Variants in RAPGEF2 observed in about 807,000 individuals in gnomAD.
RAPGEF2 encodes the protein Rap guanine nucleotide exchange factor 2.
RAPGEF2 carries 54 observed loss-of-function variants against 186.7 expected under a neutral mutation model. That is an observed-to-expected ratio of 0.29 (90% confidence interval 0.23 to 0.36). RAPGEF2 has a LOEUF of 0.36. Ranked by LOEUF, RAPGEF2 falls within the 10% of genes least tolerant of loss-of-function variation. The probability of loss-of-function intolerance (pLI) is 1.00; values close to 1 mark genes in which losing one functional copy is unlikely to be tolerated. For synonymous variants in RAPGEF2, 712 were observed against 705.9 expected (o/e 1.01, Z -0.14); for missense variants, 1,532 against 2,045.0 (o/e 0.75, Z 4.84).
At chr4:159,170,842 A>G (rs534580877) in intron 1 of RAPGEF2, among the ~76,000 whole-genome samples, 3 of 138,894 alleles carry the variant, frequency 2.2e-5, no homozygotes, top group Non-Finnish European at 4.9e-5. Flanking sequence ...TCCAGGTCTT[A>G]CGTTTAAGTC....
intron 17 of RAPGEF2, among the ~76,000 whole-genome samples, chr4:159,333,246 G>C (rs1017724120): frequency 6.6e-6 from 1 of 152,134 alleles, no homozygotes; most frequent in Non-Finnish European, 1.5e-5. Flanking sequence ...CCAAAGTGCT[G>C]GGATTGCAGG....
chr4:159,309,404 C>G (rs1763692977), intron 8 of RAPGEF2, among the ~76,000 whole-genome samples: 1 of 152,114 alleles, frequency 6.6e-6, no homozygotes, highest in Non-Finnish European at 1.5e-5. Context: ...TCTCTTGTCT[C>G]TATTTTTTCC....
rs67252346 is a variant in RAPGEF2 at position 159,140,837 on chromosome 4, A to T, written c.69+36606A>T. Among the ~76,000 whole-genome samples, 570 of 62,384 alleles carry T rather than the reference A, an allele frequency of 9.1e-3. 2 individuals are homozygous for T. Among genetic ancestry groups the T allele is most frequent in the Middle Eastern group, 0.074 (10 of 136 alleles). The allele number at this position is 62,384 out of a possible 152,430, so 40.9% of individuals were successfully genotyped here. A position where few individuals can be genotyped will look rare whatever the true frequency, so the allele number is the denominator to read the frequency against. ...AATTTTTTTCTGGAAAAAAAAAAAAATTTTTTTTTTTTGAGACGGAGTCTC... is the reference window on the plus strand; with the variant it reads ...AATTTTTTTCTGGAAAAAAAAAAAATTTTTTTTTTTTTGAGACGGAGTCTC... On this transcript the variant is annotated intron_variant, in intron 1 of 29. Transcript: ENST00000691494.
intron 7 of RAPGEF2, among the ~76,000 whole-genome samples, chr4:159,289,728 G>C (rs1394881519): frequency 6.6e-6 from 1 of 152,160 alleles, no homozygotes; most frequent in African/African-American, 2.4e-5. Flanking sequence ...TCTGTGACAG[G>C]CAGCATTCTG....
chr4:159,301,014 C>T (rs954246097), intron 7 of RAPGEF2, among the ~76,000 whole-genome samples: 3 of 152,152 alleles, frequency 2.0e-5, no homozygotes, highest in African/African-American at 7.2e-5. Context: ...AGTTTCTTTC[C>T]TTATGGGAAC....
intron 4 of RAPGEF2, among the ~76,000 whole-genome samples, chr4:159,210,959 C>T (rs528788531): frequency 1.3e-5 from 2 of 152,260 alleles, no homozygotes; most frequent in South Asian, 2.1e-4. Flanking sequence ...AAAGAAAGTT[C>T]ATTAAGACCA....
Position 159,353,819 on chromosome 4 carries a change from G to A in RAPGEF2, c.4424G>A (p.Arg1475Lys). 1 of 1,614,176 alleles carries A rather than the reference G, an allele frequency of 6.2e-7. No individual in the cohort carries two copies. The highest frequency in any genetic ancestry group is 1.1e-5 in the South Asian group (1 of 91,080). ...AAGTATAACAGGCAAAATCAAAGTA[G>A]AGAGAGCCTTGAACAAGCCCAGTCC... ...STKYNRQNQS[R>K]ESLEQAQSRA... The change falls in exon 28 of 30, where the codon AGA (arginine) becomes AAA (lysine). Residue 1475 changes from arginine to lysine, a missense_variant. Arg to Lys is a conservative substitution (Grantham distance 26). Coordinates refer to ENST00000691494, the MANE Select transcript of RAPGEF2 (RefSeq NM_001394067.2). This position sits in a 1 kb window ranked among gnomAD's most constrained non-coding sequence, Gnocchi z 4.3.
At chr4:159,155,980 A>G (rs1167384762) in intron 1 of RAPGEF2, among the ~76,000 whole-genome samples, 1 of 152,220 alleles carries the variant, frequency 6.6e-6, no homozygotes, top group Non-Finnish European at 1.5e-5. Flanking sequence ...AGATTTTTCT[A>G]GATATATGAG....
chr4:159,165,522 T>A (rs1280641981), intron 1 of RAPGEF2, among the ~76,000 whole-genome samples: 1 of 152,250 alleles, frequency 6.6e-6, no homozygotes, highest in Non-Finnish European at 1.5e-5. Context: ...GAAGTCAGGT[T>A]ATCATTAGTG....
At chr4:159,227,154 A>AT (rs768227402) in intron 4 of RAPGEF2, among the ~76,000 whole-genome samples, 1 of 152,242 alleles carries the variant, frequency 6.6e-6, no homozygotes, top group Non-Finnish European at 1.5e-5. Context: ...GCTTTAAAGA[A>AT]TATCAGATGT....
intron 1 of RAPGEF2, among the ~76,000 whole-genome samples, chr4:159,147,629 A>G (rs1743085453): frequency 6.6e-6 from 1 of 152,256 alleles, no homozygotes; most frequent in African/African-American, 2.4e-5. Context: ...GAAGATATTT[A>G]TGGTTAGATG....
intron 11 of RAPGEF2, among the ~76,000 whole-genome samples, chr4:159,325,389 G>T (rs943815728): frequency 6.6e-6 from 1 of 152,036 alleles, no homozygotes; most frequent in Non-Finnish European, 1.5e-5. Context: ...GCGGGAATGG[G>T]CATTTAAAGG....
In RAPGEF2 at chr4:159,112,197, A is replaced by G. The variant is rs1384299956; in HGVS notation, c.69+7966A>G. ...TTGGCCTTGTGCTTCTAAAATACCA[A>G]TAATGTCTGAGGATTGGGGGGTTGG... On this transcript the variant is annotated intron_variant, in intron 1 of 29. Transcript: ENST00000691494. 2.0e-5 allele frequency among the ~76,000 whole-genome samples: 3 copies of G among 152,210 alleles called. No individual in the cohort carries two copies. In the East Asian group the frequency reaches 5.8e-4, roughly 29 times the overall value.
At chr4:159,152,436 T>C (rs895588594) in intron 1 of RAPGEF2, among the ~76,000 whole-genome samples, 1 of 152,246 alleles carries the variant, frequency 6.6e-6, no homozygotes. Flanking sequence ...TATGAAATTC[T>C]TTTGCATTGT....
intron 7 of RAPGEF2, among the ~76,000 whole-genome samples, chr4:159,275,054 C>CATGT (rs1491129353): frequency 7.0e-6 from 1 of 143,868 alleles, no homozygotes; most frequent in East Asian, 2.1e-4. Context: ...CTCTGTCTCT[C>CATGT]GTGTGTGTGT....
At chr4:159,145,537 A>G (rs756995996) in intron 1 of RAPGEF2, among the ~76,000 whole-genome samples, 4 of 151,458 alleles carry the variant, frequency 2.6e-5, no homozygotes, top group Non-Finnish European at 5.9e-5. Flanking sequence ...TGCCAAAAAC[A>G]TTGCCAAAAC....
intron 4 of RAPGEF2, among the ~76,000 whole-genome samples, chr4:159,216,999 G>A (rs189758167): frequency 4.0e-5 from 6 of 151,896 alleles, no homozygotes; most frequent in East Asian, 1.9e-4. Context: ...TTTAAAAATC[G>A]CAGGCCTACT....
At chr4:159,174,194 C>T (rs762270283) in intron 1 of RAPGEF2, among the ~76,000 whole-genome samples, 9 of 152,256 alleles carry the variant, frequency 5.9e-5, no homozygotes, top group African/African-American at 9.6e-5. Context: ...TTCCCAGGGA[C>T]GTGACAATTA....
At chr4:159,256,299 GT>G (rs1474390288) in intron 7 of RAPGEF2, among the ~76,000 whole-genome samples, 2 of 152,120 alleles carry the variant, frequency 1.3e-5, no homozygotes, top group Admixed American at 6.5e-5. Context: ...AACATGCAGT[GT>G]TTAGTTTTCT....
Sources: allele counts gnomAD v4.1 joint callset (sites outside exome capture counted in the v4.1 genomes callset), GRCh38; gene constraint gnomAD v4.1.1; non-coding constraint Gnocchi (gnomAD v3.1); transcripts MANE v1.5; gene names NCBI Gene and HGNC (gene_info 2026-07-23, HGNC 2026-07-21).